Variants in SMIM35 observed in about 807,000 individuals in gnomAD.
SMIM35 encodes the protein small integral membrane protein 35.
intron 1 of SMIM35, among the ~76,000 whole-genome samples, chr11:118,051,807 G>A (rs1944218855): frequency 6.7e-6 from 1 of 149,730 alleles, no homozygotes; most frequent in Non-Finnish European, 1.5e-5. Context: ...CCCCAGCAGG[G>A]CAATCTTAGT....
At chr11:118,068,033 C>T (rs922442392) in intron 1 of SMIM35, among the ~76,000 whole-genome samples, 5 of 151,588 alleles carry the variant, frequency 3.3e-5, no homozygotes, top group Admixed American at 3.3e-4. Context: ...AGTTTAGGGG[C>T]TTCCAGTACA....
At chr11:118,014,768 G>C (rs2058170174) in intron 2 of SMIM35, 27 bp from the exon 3 acceptor site, 2 of 398,796 alleles carry the variant, frequency 5.0e-6, no homozygotes, top group Non-Finnish European at 8.8e-6. Flanking sequence ...AAAAGAGAGG[G>C]TTAGCACCTC....
intron 1 of SMIM35, among the ~76,000 whole-genome samples, chr11:118,041,294 A>C (rs1485278195): frequency 6.6e-6 from 1 of 152,184 alleles, no homozygotes; most frequent in Non-Finnish European, 1.5e-5. Context: ...GATTTGAACA[A>C]CACTACGGAC....
At chr11:118,045,579 C>T (rs751885498) in intron 1 of SMIM35, among the ~76,000 whole-genome samples, 1 of 152,188 alleles carries the variant, frequency 6.6e-6, no homozygotes, top group Non-Finnish European at 1.5e-5. Context: ...ATCAATTTCA[C>T]ATGATTTTCA....
rs2058111946 is a variant in SMIM35, at chr11:118,004,445, G to T, written c.*1965C>A. Reference sequence around the variant, plus strand: ...AGTGCTAGTCACACTTGAACCCGATGATGAGAAAAGCGAAATATGGACATG... The same window carrying T: ...AGTGCTAGTCACACTTGAACCCGATTATGAGAAAAGCGAAATATGGACATG... On this transcript the variant is annotated 3_prime_UTR_variant, in exon 5 of 5. Transcript: ENST00000689828. 6.6e-6 allele frequency: 1 copy of T among 152,332 alleles called. No individual in the cohort carries two copies. The highest frequency in any genetic ancestry group is 1.5e-5 in the Non-Finnish European group (1 of 68,070). The allele number at this position is 152,332 out of a possible 1,614,324, so 9.4% of individuals were successfully genotyped here.
intron 1 of SMIM35, among the ~76,000 whole-genome samples, chr11:118,016,154 G>A (rs917486778): frequency 3.3e-5 from 5 of 152,144 alleles, no homozygotes; most frequent in Non-Finnish European, 5.9e-5. Flanking sequence ...GCATGAGCCA[G>A]GTGGTCAGGG....
chr11:118,080,799 C>T (rs996667639), intron 1 of SMIM35, among the ~76,000 whole-genome samples: 1 of 152,186 alleles, frequency 6.6e-6, no homozygotes, highest in Non-Finnish European at 1.5e-5. Context: ...GAGACAAATG[C>T]TTTCAGGCCT....
At chr11:118,045,714 C>G (rs1021915799) in intron 1 of SMIM35, among the ~76,000 whole-genome samples, 3 of 152,194 alleles carry the variant, frequency 2.0e-5, no homozygotes, top group Non-Finnish European at 4.4e-5. Flanking sequence ...TTACTGCTCT[C>G]TAAACTTTAC....
At chr11:118,051,492 G>T (rs1160091404) in intron 1 of SMIM35, among the ~76,000 whole-genome samples, 1 of 152,244 alleles carries the variant, frequency 6.6e-6, no homozygotes, top group Non-Finnish European at 1.5e-5. Flanking sequence ...CCATGCCCTG[G>T]ATGAGACCCT....
chr11:118,059,432 G>T (rs755759954), intron 1 of SMIM35: 1 of 152,276 alleles, frequency 6.6e-6, no homozygotes, highest in Admixed American at 6.5e-5. Context: ...CCCTGCAGGG[G>T]TCTGGGCTCT....
chr11:118,024,363 A>G (rs967824631), intron 1 of SMIM35, among the ~76,000 whole-genome samples: 2 of 152,182 alleles, frequency 1.3e-5, no homozygotes, highest in African/African-American at 4.8e-5. Flanking sequence ...ACTAAACCAT[A>G]TGTATAGGTT....
intron 1 of SMIM35, chr11:118,025,339 C>T (rs1171061287): frequency 2.9e-6 from 1 of 340,876 alleles, no homozygotes; most frequent in African/African-American, 2.2e-5. Context: ...CTTGAAAAAT[C>T]TCCAAACTGC....
In SMIM35 at chr11:118,024,838, C is replaced by T. The variant is rs114762779; in HGVS notation, c.8-9029G>A. ...TGTTAAATGAGTATATTGAATGATGCTGAGGTTTGGGATACAAATGATCCC... is the reference window on the plus strand; with the variant it reads ...TGTTAAATGAGTATATTGAATGATGTTGAGGTTTGGGATACAAATGATCCC... On this transcript the variant is annotated intron_variant, in intron 1 of 4. Coordinates refer to ENST00000689828, the MANE Select transcript of SMIM35 (RefSeq NM_001394165.1). Among the ~76,000 whole-genome samples the T allele has an allele frequency of 5.3e-3, 800 of 152,246 alleles. 6 individuals are homozygous for T. The highest frequency in any genetic ancestry group is 0.018 in the African/African-American group (752 of 41,548).
chr11:118,047,520 C>A (rs532520111), intron 1 of SMIM35, among the ~76,000 whole-genome samples: 37 of 152,222 alleles, frequency 2.4e-4, no homozygotes, highest in African/African-American at 8.7e-4. Context: ...TCAGGACAGC[C>A]AAGATGTCAT....
chr11:118,027,016 C>CT (rs60864416), intron 1 of SMIM35, among the ~76,000 whole-genome samples: 52,766 of 93,354 alleles, frequency 0.57, 17,956 homozygotes, highest in South Asian at 0.73. Context: ...ACCACCACCA[C>CT]TTTTTTTTTT....
chr11:118,034,800 T>C (rs1171400903), intron 1 of SMIM35, among the ~76,000 whole-genome samples: 1 of 152,084 alleles, frequency 6.6e-6, no homozygotes, highest in Non-Finnish European at 1.5e-5. Flanking sequence ...ACCCAAAGAA[T>C]GACAAGGGGG....
chr11:118,079,322 T>A (rs1280158249), intron 1 of SMIM35, among the ~76,000 whole-genome samples: 1 of 152,014 alleles, frequency 6.6e-6, no homozygotes. Flanking sequence ...ATTCCCTACC[T>A]CCTTCCATCC....
intron 2 of SMIM35, among the ~76,000 whole-genome samples, 151 bp downstream of exon 2, chr11:118,015,542 C>A (rs1467007469): frequency 6.6e-6 from 1 of 152,154 alleles, no homozygotes; most frequent in Non-Finnish European, 1.5e-5. Context: ...GCTCAGCCAC[C>A]CACTCAAGTC....
intron 1 of SMIM35, among the ~76,000 whole-genome samples, chr11:118,024,015 C>CAAAAAAA (rs34791559): frequency 3.0e-5 from 4 of 134,424 alleles, no homozygotes; most frequent in East Asian, 2.1e-4. Context: ...ATGCCTTCTC[C>CAAAAAAA]AAAAAAAAAA....
Sources: allele counts gnomAD v4.1 joint callset (sites outside exome capture counted in the v4.1 genomes callset), GRCh38; gene constraint gnomAD v4.1.1; transcripts MANE v1.5; gene names NCBI Gene and HGNC (gene_info 2026-07-23, HGNC 2026-07-21).